CFAP57: variants seen among roughly 807,000 people sequenced by gnomAD.
The protein encoded by CFAP57 is cilia- and flagella-associated protein 57.
In CFAP57, 116 loss-of-function variants were observed where a neutral mutation model predicts 146.8. The ratio of observed to expected loss-of-function variants is 0.79; its 90% CI spans 0.68 to 0.92. The LOEUF is 0.92. Ranked by LOEUF, CFAP57 falls within the 40% of genes least tolerant of loss-of-function variation. The pLI, the probability that CFAP57 is intolerant of heterozygous loss-of-function variation, is 0.00. For missense variants in CFAP57, 1,377 were observed against 1,527.2 expected (o/e 0.90, Z 1.64); for synonymous variants, 518 against 552.8 (o/e 0.94, Z 0.88).
At chr1:43,240,468 G>T (rs1645869933) in intron 21 of CFAP57, among the ~76,000 whole-genome samples, 1 of 152,156 alleles carries the variant, frequency 6.6e-6, no homozygotes, top group Non-Finnish European at 1.5e-5. Context: ...TTCAGACAGT[G>T]AACATACACC....
chr1:43,245,850 A>G (rs1304980204), intron 22 of CFAP57, among the ~76,000 whole-genome samples: 5 of 152,226 alleles, frequency 3.3e-5, no homozygotes, highest in African/African-American at 9.7e-5. Flanking sequence ...ACAAAGGATC[A>G]AAAATCACAA....
intron 4 of CFAP57, 101 bp downstream of exon 4, chr1:43,183,978 A>T: frequency 6.9e-7 from 1 of 1,452,020 alleles, no homozygotes; most frequent in Non-Finnish European, 9.5e-7. Context: ...CCTCTACCGT[A>T]AAAGTCAACT....
At chr1:43,252,664 CAT>C (rs1646353818) in intron 22 of CFAP57, among the ~76,000 whole-genome samples, 1 of 151,928 alleles carries the variant, frequency 6.6e-6, no homozygotes, top group African/African-American at 2.4e-5. Flanking sequence ...AACAAAGACT[CAT>C]AGCTAGTATG....
intron 9 of CFAP57, chr1:43,206,221 A>G (rs1431081890): frequency 1.3e-5 from 2 of 156,016 alleles, no homozygotes; most frequent in Non-Finnish European, 2.8e-5. Context: ...TCAGCCTCCC[A>G]AAGTGTTGGG....
At chr1:43,235,260 A>G (rs907476786) in intron 21 of CFAP57, among the ~76,000 whole-genome samples, 19 of 152,126 alleles carry the variant, frequency 1.2e-4, no homozygotes, top group African/African-American at 4.6e-4. Context: ...TAGGCTGTTC[A>G]GAGAGCCTGA....
chr1:43,197,071 C>T (rs1643893296), intron 6 of CFAP57, among the ~76,000 whole-genome samples: 1 of 152,162 alleles, frequency 6.6e-6, no homozygotes, highest in Non-Finnish European at 1.5e-5. Context: ...AATATTGGCT[C>T]AGCCAAGCAT....
At chr1:43,248,797 A>T (rs1289536977) in intron 22 of CFAP57, among the ~76,000 whole-genome samples, 1 of 152,170 alleles carries the variant, frequency 6.6e-6, no homozygotes, top group Non-Finnish European at 1.5e-5. Flanking sequence ...AAAAGCAAGA[A>T]ATCCTGAACT....
At chr1:43,215,799 C>G (rs1644812389) in intron 12 of CFAP57, among the ~76,000 whole-genome samples, 2 of 152,208 alleles carry the variant, frequency 1.3e-5, no homozygotes, top group South Asian at 4.1e-4. Context: ...AGTATGTTCT[C>G]ATTTAAATCT....
chr1:43,209,703 G>T (rs1468498590), intron 10 of CFAP57, 40 bp from the exon 11 acceptor site: 2 of 1,590,144 alleles, frequency 1.3e-6, no homozygotes. Context: ...GGGGGCCACA[G>T]CTCGACCCCT....
rs372588335 is a variant in CFAP57, at chr1:43,186,707, A to G, written c.970A>G (p.Ile324Val). Residue 324 changes from isoleucine (I) to valine (V), a missense_variant and splice_region_variant, in exon 6 of 23, where the codon ATT becomes GTT. Physicochemically the swap from Ile to Val is conservative, Grantham distance 29 (BLOSUM62 3). Transcript: ENST00000372492. ...GATAGCTGTTTTGCATTTTGGGCAG[A>G]TTCCTGTGGACCCGCAGAGCAATGA... Reference protein sequence around the residue: ...DFYRESREIRIPVDPQSNDPS... With the variant: ...DFYRESREIRVPVDPQSNDPS... 6 of 1,613,770 alleles carry G rather than the reference A, an allele frequency of 3.7e-6. No individual in the cohort carries two copies. The highest frequency in any genetic ancestry group is 5.1e-6 in the Non-Finnish European group (6 of 1,179,830).
chr1:43,188,051 G>A (rs773167973), intron 6 of CFAP57, among the ~76,000 whole-genome samples: 35 of 152,158 alleles, frequency 2.3e-4, no homozygotes, highest in Non-Finnish European at 3.8e-4. Context: ...CAGTCCACCC[G>A]CCTCATCCTC....
chr1:43,210,959 T>C (rs1467488283), intron 11 of CFAP57: 1 of 151,010 alleles, frequency 6.6e-6, no homozygotes, highest in African/African-American at 2.4e-5. Flanking sequence ...AAGTAATGTC[T>C]ATACCTACAC....
intron 6 of CFAP57, among the ~76,000 whole-genome samples, chr1:43,195,464 T>A (rs368731416): frequency 1.1e-4 from 17 of 151,100 alleles, no homozygotes; most frequent in East Asian, 9.7e-4. Context: ...GGAGTTGCAG[T>A]GAGCCGAGAT....
At chr1:43,225,031 GT>G (rs1645192120) in intron 17 of CFAP57, among the ~76,000 whole-genome samples, 1 of 152,116 alleles carries the variant, frequency 6.6e-6, no homozygotes, top group Non-Finnish European at 1.5e-5. Flanking sequence ...GCATGTGAGT[GT>G]CGGTGTACAT....
chr1:43,242,507 G>A (rs1293844995), intron 21 of CFAP57, among the ~76,000 whole-genome samples: 1 of 152,214 alleles, frequency 6.6e-6, no homozygotes, highest in Non-Finnish European at 1.5e-5. Context: ...AATAAGAGAA[G>A]TGAGCTTCCA....
chr1:43,241,925 G>T (rs992034501), intron 21 of CFAP57, among the ~76,000 whole-genome samples: 1 of 152,134 alleles, frequency 6.6e-6, no homozygotes, highest in Admixed American at 6.5e-5. Flanking sequence ...CTTGTGCTGG[G>T]TGTGAAATGG....
intron 21 of CFAP57, among the ~76,000 whole-genome samples, chr1:43,239,454 G>A (rs543209415): frequency 1.6e-4 from 24 of 152,126 alleles, no homozygotes; most frequent in African/African-American, 5.5e-4. Flanking sequence ...GTAGAGGGTG[G>A]AGGGGGTGGG....
chr1:43,208,617 G>A (rs891662555), intron 10 of CFAP57, among the ~76,000 whole-genome samples: 3 of 152,086 alleles, frequency 2.0e-5, no homozygotes. Flanking sequence ...ACACAGGGTG[G>A]GGAACACCAC....
At chr1:43,209,303 A>G (rs2453414) in intron 10 of CFAP57, among the ~76,000 whole-genome samples, 9,874 of 152,292 alleles carry the variant, frequency 0.065, 426 homozygotes, top group African/African-American at 0.12. Flanking sequence ...GCACCCATGC[A>G]TAGCAGTCAA....
Sources: gnomAD v4.1 joint callset for allele counts (sites outside exome capture counted in the v4.1 genomes callset) on GRCh38, gnomAD v4.1.1 for gene constraint, MANE v1.5 for transcripts, NCBI Gene and HGNC (gene_info 2026-07-23, HGNC 2026-07-21) for gene names.